The following HAO1 variants were observed in gnomAD, a reference collection of about 807,000 sequenced individuals.
The protein encoded by HAO1 is 2-Hydroxyacid oxidase 1.
A neutral mutation model predicts 39.7 loss-of-function variants in HAO1; 34 were observed. The observed-to-expected ratio is 0.86, with a 90% CI of 0.65 to 1.14. The LOEUF (loss-of-function observed/expected upper bound fraction) is 1.14. Among genes scored for constraint, HAO1 ranks in the 50% most tolerant of loss-of-function variants. HAO1 has a pLI of 0.00. For missense variants in HAO1, 479 were observed against 464.5 expected, an observed-to-expected ratio of 1.03 and a Z score of -0.29; for synonymous variants, 172 against 173.2, an observed-to-expected ratio of 0.99 and a Z score of 0.05.
chr20:7,919,840 T>C (rs2050322932), intron 2 of HAO1, among the ~76,000 whole-genome samples: 1 of 152,240 alleles, frequency 6.6e-6, no homozygotes, highest in African/African-American at 2.4e-5. Flanking sequence ...TCATTATTTG[T>C]TAATCTTCTC....
intron 2 of HAO1, among the ~76,000 whole-genome samples, chr20:7,922,764 T>C (rs1300273317): frequency 6.6e-6 from 1 of 152,136 alleles, no homozygotes; most frequent in Non-Finnish European, 1.5e-5. Context: ...TCAGTAATAC[T>C]TGGAAGAAAA....
intron 2 of HAO1, among the ~76,000 whole-genome samples, chr20:7,919,294 A>G (rs1056356445): frequency 1.3e-5 from 2 of 152,198 alleles, no homozygotes; most frequent in Non-Finnish European, 2.9e-5. Flanking sequence ...TCCTTAAGAC[A>G]TATCTTCAAA....
At chr20:7,913,445 T>C (rs16994134) in intron 3 of HAO1, among the ~76,000 whole-genome samples, 9,654 of 152,062 alleles carry the variant, frequency 0.063, 460 homozygotes, top group East Asian at 0.2. Context: ...GGAAAAGAGG[T>C]GTATAGCTTA....
chr20:7,909,523 C>T (rs940171245), intron 3 of HAO1, among the ~76,000 whole-genome samples: 8 of 150,404 alleles, frequency 5.3e-5, no homozygotes, highest in Admixed American at 3.3e-4. Context: ...TGTTTAATGA[C>T]GCAAAGGTGA....
intron 5 of HAO1, among the ~76,000 whole-genome samples, chr20:7,886,812 T>C (rs1244780420): frequency 6.6e-6 from 1 of 152,236 alleles, no homozygotes; most frequent in African/African-American, 2.4e-5. Context: ...TGAGCAGAGC[T>C]GGTAGAATGC....
At chr20:7,908,324 GA>G (rs1568514220) in intron 3 of HAO1, among the ~76,000 whole-genome samples, 2 of 141,844 alleles carry the variant, frequency 1.4e-5, no homozygotes, top group South Asian at 4.2e-4. Context: ...CCCGGGAGGC[GA>G]GGTTGCAGTG....
At chr20:7,929,643 A>T (rs867961548) in intron 2 of HAO1, among the ~76,000 whole-genome samples, 1 of 152,182 alleles carries the variant, frequency 6.6e-6, no homozygotes, top group East Asian at 1.9e-4. Flanking sequence ...AGGCAGGCAG[A>T]TCATGAGGTC....
At chr20:7,926,733 A>G (rs1443906007) in intron 2 of HAO1, among the ~76,000 whole-genome samples, 1 of 152,136 alleles carries the variant, frequency 6.6e-6, no homozygotes, top group Non-Finnish European at 1.5e-5. Context: ...CTGAGTCCCA[A>G]AACTTCACTT....
intron 4 of HAO1, among the ~76,000 whole-genome samples, chr20:7,905,473 C>G (rs1015217441): frequency 6.6e-6 from 1 of 152,172 alleles, no homozygotes; most frequent in African/African-American, 2.4e-5. Flanking sequence ...TGGCAGTTAT[C>G]TATATAACCA....
intron 7 of HAO1, among the ~76,000 whole-genome samples, chr20:7,884,917 CA>C (rs1315761163): frequency 6.6e-6 from 1 of 152,106 alleles, no homozygotes; most frequent in Non-Finnish European, 1.5e-5. Flanking sequence ...CGTGCCCACC[CA>C]CAATGTCCAT....
chr20:7,890,793 C>T (rs1286488468), intron 5 of HAO1, among the ~76,000 whole-genome samples: 7 of 152,038 alleles, frequency 4.6e-5, no homozygotes, highest in African/African-American at 1.4e-4. Context: ...TGAGAACATA[C>T]GATGTTTGGT....
rs141864450 is a variant in HAO1, at chr20:7,912,875, G to A, written c.545+1289C>T. On this transcript the variant is annotated intron_variant, in intron 3 of 7. Transcript: ENST00000378789. ...AAACCAGCCTGGTAGTAACAGGGAG[G>A]TAACATCACACAGCTAATTCACACA... 4.4e-3 allele frequency among the ~76,000 whole-genome samples: 674 copies of A among 152,268 alleles called. 6 individuals are homozygous for A. The highest frequency in any genetic ancestry group is 6.9e-3 in the Non-Finnish European group (467 of 68,010).
At chr20:7,922,210 C>G (rs1378610137) in intron 2 of HAO1, among the ~76,000 whole-genome samples, 1 of 152,068 alleles carries the variant, frequency 6.6e-6, no homozygotes, top group Non-Finnish European at 1.5e-5. Context: ...CTCAGTATCA[C>G]TAATTATCAG....
intron 2 of HAO1, among the ~76,000 whole-genome samples, chr20:7,916,910 T>C (rs1362709267): frequency 6.6e-6 from 1 of 152,210 alleles, no homozygotes; most frequent in African/African-American, 2.4e-5. Context: ...AATGAACATA[T>C]AGACCATTGT....
Position 7,883,409 on chromosome 20 carries a change from T to C in HAO1, c.*184A>G. 1 of 589,580 alleles carries C rather than the reference T, an allele frequency of 1.7e-6. No homozygotes were observed. Among genetic ancestry groups the C allele is most frequent in the Non-Finnish European group, 3.0e-6 (1 of 328,778 alleles). 36.5% of individuals were successfully genotyped at this position (589,580 alleles called of 1,614,324 possible). Reference sequence around the variant, plus strand: ...AGTCCATTTCTTTCTAAAAGGTTCCTAGGACACCCATTGAAAAGTCAAAAG... The same window carrying C: ...AGTCCATTTCTTTCTAAAAGGTTCCCAGGACACCCATTGAAAAGTCAAAAG... On this transcript the variant is annotated 3_prime_UTR_variant, in exon 8 of 8. Transcript: ENST00000378789.
At chr20:7,932,002 C>T (rs935509182) in intron 2 of HAO1, among the ~76,000 whole-genome samples, 1 of 152,156 alleles carries the variant, frequency 6.6e-6, no homozygotes, top group Non-Finnish European at 1.5e-5. Flanking sequence ...ATTATAATCC[C>T]AGGTGTTGAG....
chr20:7,935,677 A>T (rs1216156262), intron 1 of HAO1, among the ~76,000 whole-genome samples: 1 of 152,214 alleles, frequency 6.6e-6, no homozygotes, highest in Non-Finnish European at 1.5e-5. Flanking sequence ...TGTTTCTGTG[A>T]TTCTTCTGTG....
At chr20:7,908,913 T>C (rs2050262340) in intron 3 of HAO1, among the ~76,000 whole-genome samples, 1 of 152,164 alleles carries the variant, frequency 6.6e-6, no homozygotes, top group Non-Finnish European at 1.5e-5. Flanking sequence ...GATTAAATGA[T>C]AATAAATTCC....
chr20:7,885,042 G>GA (rs145820844), intron 7 of HAO1, among the ~76,000 whole-genome samples: 5,801 of 152,176 alleles, frequency 0.038, 356 homozygotes, highest in African/African-American at 0.13. Context: ...AGGTGTGAGA[G>GA]AAAAGAAGAG....
Sources: gnomAD v4.1 joint callset for allele counts (sites outside exome capture counted in the v4.1 genomes callset) on GRCh38, gnomAD v4.1.1 for gene constraint, MANE v1.5 for transcripts, NCBI Gene and HGNC (gene_info 2026-07-23, HGNC 2026-07-21) for gene names.